LRIG1: variants seen among roughly 807,000 people sequenced by gnomAD.
The protein encoded by LRIG1 is leucine-rich repeats and immunoglobulin-like domains protein 1.
In LRIG1, 48 loss-of-function variants were observed where a neutral mutation model predicts 99.2. The observed-to-expected ratio is 0.48, with a 90% CI of 0.38 to 0.62. The LOEUF (loss-of-function observed/expected upper bound fraction) is 0.62, where lower values mean the gene tolerates loss of function less well. Among genes scored for constraint, LRIG1 ranks in the 20% least tolerant of loss-of-function variants. The pLI is 0.00. For synonymous variants in LRIG1, 772 were observed against 596.1 expected, an observed-to-expected ratio of 1.29 and a Z score of -4.30; for missense variants, 1,646 against 1,434.4, an observed-to-expected ratio of 1.15 and a Z score of -2.38.
intron 12 of LRIG1, among the ~76,000 whole-genome samples, chr3:66,390,121 G>C (rs1362124739): frequency 6.6e-6 from 1 of 152,042 alleles, no homozygotes; most frequent in East Asian, 1.9e-4. Flanking sequence ...TCTAGCCAGT[G>C]CAACAGGCTA....
At chr3:66,453,355 A>G (rs1703969310) in intron 2 of LRIG1, among the ~76,000 whole-genome samples, 1 of 152,216 alleles carries the variant, frequency 6.6e-6, no homozygotes, top group Non-Finnish European at 1.5e-5. Context: ...TCAGTATATT[A>G]ATGCATCTCT....
At chr3:66,404,830 T>A (rs1702202162) in intron 9 of LRIG1, among the ~76,000 whole-genome samples, 1 of 152,146 alleles carries the variant, frequency 6.6e-6, no homozygotes, top group African/African-American at 2.4e-5. Context: ...CCCTCACACC[T>A]TACTGACCTT....
intron 8 of LRIG1, 33 bp downstream of exon 8, chr3:66,407,315 A>T (rs1702304252): frequency 1.2e-6 from 2 of 1,612,934 alleles, no homozygotes; most frequent in South Asian, 2.2e-5. Flanking sequence ...CCCACTGGGG[A>T]CCCCTTTATC....
At chr3:66,469,772 C>G (rs1398958008) in intron 1 of LRIG1, among the ~76,000 whole-genome samples, 1 of 152,068 alleles carries the variant, frequency 6.6e-6, no homozygotes, top group Non-Finnish European at 1.5e-5. Context: ...ACCCACTGGT[C>G]AAGTTAAGAC....
Position 66,388,601 on chromosome 3 carries a change from G to A in LRIG1, c.1469-2300C>T, listed in dbSNP as rs78521944. 3.3e-3 allele frequency among the ~76,000 whole-genome samples: 495 copies of A among 152,076 alleles called. 2 individuals are homozygous for A. The highest frequency in any genetic ancestry group is 0.021 in the East Asian group (106 of 5,166). ...GCCAAAGACAAAGAATCTTGAAAACGCAAAAGAGGAGCAACTCATCACATT... is the reference window on the plus strand; with the variant it reads ...GCCAAAGACAAAGAATCTTGAAAACACAAAAGAGGAGCAACTCATCACATT... On this transcript the variant is annotated intron_variant, in intron 12 of 18. Coordinates refer to ENST00000273261, the MANE Select transcript of LRIG1 (RefSeq NM_015541.3).
chr3:66,405,226 A>G lies in LRIG1; in HGVS notation c.1132T>C (p.Phe378Leu). 6.2e-7 allele frequency: 1 copy of G among 1,614,182 alleles called. No homozygotes were observed. Among genetic ancestry groups the G allele is most frequent in the African/African-American group, 1.3e-5 (1 of 75,068 alleles). The change falls in exon 9 of 19, where the codon TTC becomes CTC. Residue 378 changes from phenylalanine to leucine, a missense_variant. By Grantham distance (22) the Phe-to-Leu change is conservative. Coordinates refer to ENST00000273261, the MANE Select transcript of LRIG1 (RefSeq NM_015541.3). ...SGTIEDTSGA[F>L]SGLDSLSKLT... The stretch of plus-strand genomic sequence containing the variant: ...TTGCTGAGGCTGTCGAGCCCTGAGA[A>G]GGCGCCGCTCGTGTCCTCTATTGTG...
intron 1 of LRIG1, among the ~76,000 whole-genome samples, chr3:66,478,347 C>T (rs1188866422): frequency 6.6e-6 from 1 of 152,180 alleles, no homozygotes; most frequent in Non-Finnish European, 1.5e-5. Flanking sequence ...CCATGGTTAT[C>T]TCGACAGGTG....
chr3:66,417,349 C>T, intron 3 of LRIG1, 83 bp from the exon 4 acceptor site: 2 of 1,394,240 alleles, frequency 1.4e-6, no homozygotes, highest in African/African-American at 1.4e-5. Flanking sequence ...ACCCCACCCC[C>T]CACCAATATA....
chr3:66,414,835 T>C (rs4856928), intron 5 of LRIG1, 85 bp downstream of exon 5: 957,429 of 1,288,990 alleles, frequency 0.74, 361,206 homozygotes, highest in East Asian at 0.96. Flanking sequence ...AAGGAAAGGG[T>C]GGCGTTTGGT....
intron 1 of LRIG1, among the ~76,000 whole-genome samples, chr3:66,467,763 T>C (rs1700508480): frequency 6.6e-6 from 1 of 152,248 alleles, no homozygotes; most frequent in African/African-American, 2.4e-5. Context: ...GAAATTTCTA[T>C]TAAACTGTGC....
chr3:66,486,487 G>T (rs1010402726), intron 1 of LRIG1, among the ~76,000 whole-genome samples: 15 of 152,204 alleles, frequency 9.9e-5, no homozygotes, highest in African/African-American at 3.4e-4. Context: ...TTCCCCTGAA[G>T]ACCCTGAAAT....
intron 12 of LRIG1, chr3:66,386,577 C>A (rs576614693): frequency 9.1e-5 from 35 of 384,978 alleles, no homozygotes; most frequent in South Asian, 8.9e-4. Flanking sequence ...ACCAGCCAGC[C>A]GGCAGTTTCC....
chr3:66,411,568 G>A (rs1483207172), intron 6 of LRIG1, among the ~76,000 whole-genome samples: 6 of 152,178 alleles, frequency 3.9e-5, no homozygotes, highest in Admixed American at 6.5e-5. Flanking sequence ...AAGAAGCCCA[G>A]CGGCAGGAAA....
rs1414093506 is a variant in LRIG1 at position 66,379,365 on chromosome 3, C to T, written c.*898G>A. 1 of 152,286 alleles carries T rather than the reference C, an allele frequency of 6.6e-6. No homozygotes were observed. Among genetic ancestry groups the T allele is most frequent in the African/African-American group, 2.4e-5 (1 of 41,424 alleles). 9.4% of individuals were successfully genotyped at this position (152,286 alleles called of 1,614,324 possible). On this transcript the variant is annotated 3_prime_UTR_variant, in exon 19 of 19. Transcript: ENST00000273261. ...TGTCCCCCAAGGCCAATGTAATACTCATTATATTGGCAAAACGAAAACATC... is the reference window on the plus strand; with the variant it reads ...TGTCCCCCAAGGCCAATGTAATACTTATTATATTGGCAAAACGAAAACATC...
At chr3:66,455,827 T>C (rs553717073) in intron 2 of LRIG1, among the ~76,000 whole-genome samples, 1 of 152,256 alleles carries the variant, frequency 6.6e-6, no homozygotes, top group Non-Finnish European at 1.5e-5. Flanking sequence ...ATACGTGGTT[T>C]CTACACAAGA....
chr3:66,415,332 G>A (rs1031843346), intron 4 of LRIG1, among the ~76,000 whole-genome samples: 1 of 152,148 alleles, frequency 6.6e-6, no homozygotes, highest in Non-Finnish European at 1.5e-5. Flanking sequence ...CCAAGAGGGT[G>A]GGAGTGAAAG....
At chr3:66,383,942 T>G (rs779036741) in intron 14 of LRIG1, 49 bp downstream of exon 14, 3 of 1,296,144 alleles carry the variant, frequency 2.3e-6, no homozygotes, top group East Asian at 2.6e-5. Context: ...AGTCTCTCTC[T>G]CTCGCTCACA....
intron 3 of LRIG1, among the ~76,000 whole-genome samples, chr3:66,450,118 G>C (rs1349209967): frequency 6.6e-6 from 1 of 152,150 alleles, no homozygotes; most frequent in African/African-American, 2.4e-5. Flanking sequence ...CCTTCCAGAT[G>C]CTGGGCCCAC....
Position 66,462,463 on chromosome 3 carries a change from C to G in LRIG1, c.265G>C (p.Glu89Gln). The part of the protein sequence containing the change: ...KLSEIDPAGF[E>Q]DLPNLQEVYL... ...ACTTCCTGTAGGTTCGGCAAGTCCT[C>G]AAAACCAGCAGGGTCAATCTCAGAG... Residue 89 changes from glutamate to glutamine, a missense_variant, in exon 2 of 19, where the codon GAG (glutamate) becomes CAG (glutamine). Glu to Gln is a conservative substitution (Grantham distance 29, BLOSUM62 2). Coordinates refer to ENST00000273261, the MANE Select transcript of LRIG1 (RefSeq NM_015541.3). The G allele has an allele frequency of 1.9e-6, 3 of 1,612,882 alleles. No homozygotes were observed. The highest frequency in any genetic ancestry group is 3.3e-5 in the Admixed American group (2 of 59,870).
Sources: gnomAD v4.1 joint callset for allele counts (sites outside exome capture counted in the v4.1 genomes callset) on GRCh38, gnomAD v4.1.1 for gene constraint, MANE v1.5 for transcripts, NCBI Gene and HGNC (gene_info 2026-07-23, HGNC 2026-07-21) for gene names.